The following TCHP variants were observed in gnomAD, a reference collection of about 807,000 sequenced individuals.
TCHP encodes trichoplein keratin filament-binding protein.
Under a neutral mutation model 88.7 loss-of-function variants are expected in TCHP, and 81 were observed. The observed-to-expected ratio is 0.91, with a 90% CI of 0.76 to 1.10. The LOEUF (loss-of-function observed/expected upper bound fraction) is 1.10, where lower values mean the gene tolerates loss of function less well. Ranked by LOEUF, TCHP falls within the 50% of genes least tolerant of loss-of-function variation. The pLI is 0.00. For missense variants in TCHP, 641 were observed against 632.1 expected (o/e 1.01, Z -0.15); for synonymous variants, 232 against 232.5 (o/e 1.00, Z 0.02).
At chr12:109,904,869 GT>G (rs1870039423) in intron 4 of TCHP, 76 bp downstream of exon 4, 2 of 1,371,030 alleles carry the variant, frequency 1.5e-6, no homozygotes, top group Admixed American at 3.8e-5. Context: ...TTTTGAACAC[GT>G]ATCTTGTACC....
At chr12:109,912,860 A>T in intron 9 of TCHP, 131 bp from the exon 10 acceptor site, 1 of 701,418 alleles carries the variant, frequency 1.4e-6, no homozygotes, top group Non-Finnish European at 2.6e-6. Flanking sequence ...AATCTTTTCA[A>T]AGTGCATGTG....
At chr12:109,883,374 G>A in the TCHP span, among the ~76,000 whole-genome samples, 3 of 152,224 alleles carry the variant, frequency 2.0e-5, no homozygotes, top group Admixed American at 6.5e-5. Context: ...TGAGAGAAGA[G>A]GTTGTTTCAA....
At chr12:109,890,453 A>G in the TCHP span, among the ~76,000 whole-genome samples, 1 of 151,746 alleles carries the variant, frequency 6.6e-6, no homozygotes, top group Non-Finnish European at 1.5e-5. Context: ...CCTGGGTGAG[A>G]GAGCAAGACC....
At chr12:109,901,356 C>G (rs1869783220) in intron 1 of TCHP, among the ~76,000 whole-genome samples, 1 of 116,672 alleles carries the variant, frequency 8.6e-6, no homozygotes, top group South Asian at 2.8e-4. Flanking sequence ...TTTTTTTCCC[C>G]TTAATCACCT....
At chr12:109,896,553 T>C (rs943280665), upstream of TCHP, among the ~76,000 whole-genome samples, 4 of 152,204 alleles carry the variant, frequency 2.6e-5, no homozygotes, top group African/African-American at 9.6e-5. Context: ...CTTAACACCA[T>C]AGATTCCTTT....
At position 109,903,976 on chromosome 12, in the gene TCHP, G is replaced by A. The variant is rs202040061; in HGVS notation, c.228G>A (p.Lys76=). 9 of 1,610,962 alleles carry A rather than the reference G, an allele frequency of 5.6e-6. No individual in the cohort carries two copies. In the East Asian group the frequency reaches 1.8e-4, roughly 32 times the overall value. Reference sequence around the variant, plus strand: ...AGCGGGAGAAGATGAAGGAGGAGAAGAGGAGGAGTCTGGAGGCCCGACGGG... The same window carrying A: ...AGCGGGAGAAGATGAAGGAGGAGAAAAGGAGGAGTCTGGAGGCCCGACGGG... ...AYQREKMKEE[K]RRSLEARREK... Residue 76 remains lysine (K), a synonymous_variant, in exon 3 of 13, where the codon AAG becomes AAA. Transcript: ENST00000405876. This position sits in a 1 kb window ranked among gnomAD's most constrained non-coding sequence, Gnocchi z 4.6.
chr12:109,881,126 C>T, the TCHP span, among the ~76,000 whole-genome samples: 66 of 152,308 alleles, frequency 4.3e-4, no homozygotes, highest in African/African-American at 1.5e-3. Flanking sequence ...TGTTGTGAGG[C>T]AGAAAAATAG....
chr12:109,912,931 T>C (rs1870588903), intron 9 of TCHP, 60 bp from the exon 10 acceptor site: 1 of 1,462,334 alleles, frequency 6.8e-7, no homozygotes, highest in Non-Finnish European at 9.6e-7. Flanking sequence ...GTCTGTTCCG[T>C]AGCTCGCTTC....
At chr12:109,887,355 GA>G in the TCHP span, among the ~76,000 whole-genome samples, 2 of 148,856 alleles carry the variant, frequency 1.3e-5, no homozygotes, top group Non-Finnish European at 3.0e-5. Context: ...ACAGGAGGCA[GA>G]GGTTGCAGTG....
At chr12:109,909,394 A>G (rs1359977558) in intron 8 of TCHP, among the ~76,000 whole-genome samples, 2 of 152,242 alleles carry the variant, frequency 1.3e-5, no homozygotes, top group Non-Finnish European at 2.9e-5. Context: ...GTCTATCCCC[A>G]GAGGTGCCTG....
At chr12:109,890,741 C>T in the TCHP span, among the ~76,000 whole-genome samples, 4 of 152,170 alleles carry the variant, frequency 2.6e-5, no homozygotes, top group Non-Finnish European at 4.4e-5. Flanking sequence ...AACTCCTGAC[C>T]TCAGGTGATC....
the TCHP span, among the ~76,000 whole-genome samples, chr12:109,892,693 C>A: frequency 4.4e-4 from 67 of 152,234 alleles, no homozygotes; most frequent in Middle Eastern, 3.4e-3. Context: ...TACCTGACAC[C>A]CCAGCAGAAG....
Position 109,903,880 on chromosome 12 carries a change from G to C in TCHP, c.189-57G>C. ...CCTCTTTTACCGACACAGCAGAGCA[G>C]AGCACGTTCCCTGTGGCTGTAGCAT... On this transcript the variant is annotated intron_variant, in intron 2 of 12. Transcript: ENST00000405876. This position sits in a 1 kb window ranked among gnomAD's most constrained non-coding sequence, Gnocchi z 4.6. 1 of 1,424,272 alleles carries C rather than the reference G, an allele frequency of 7.0e-7. No homozygotes were observed. The highest frequency in any genetic ancestry group is 9.7e-7 in the Non-Finnish European group (1 of 1,030,578). The allele number at this position is 1,424,272 out of a possible 1,614,324, so 88.2% of individuals were successfully genotyped here.
chr12:109,915,569 G>A, intron 12 of TCHP, 23 bp downstream of exon 12: 2 of 1,594,274 alleles, frequency 1.3e-6, no homozygotes, highest in Non-Finnish European at 1.7e-6. Context: ...CCAGGATATA[G>A]GCCAACACCG....
chr12:109,907,452 A>C, intron 5 of TCHP, 74 bp from the exon 6 acceptor site: 1 of 1,504,098 alleles, frequency 6.6e-7, no homozygotes, highest in Non-Finnish European at 9.1e-7. Context: ...TGGCCTGCAG[A>C]ACGGCGGCAG....
upstream of TCHP, among the ~76,000 whole-genome samples, chr12:109,897,562 CTTTCTTTT>C (rs1869593891): frequency 6.7e-6 from 1 of 148,574 alleles, no homozygotes; most frequent in South Asian, 2.1e-4. Flanking sequence ...TTCTTTCTTT[CTTTCTTTT>C]TTTTTTTTGA....
Position 109,911,096 on chromosome 12 carries a change from G to T in TCHP, c.913G>T (p.Glu305Ter). The change falls in exon 9 of 13, where the codon GAG becomes TAG. Residue 305 changes from glutamate to a stop codon, truncating the protein, a stop_gained. Transcript: ENST00000405876. LOFTEE classifies it high-confidence loss of function. Reference protein sequence around the residue: ...ADRRILQALLEKEDESQRLHL... With the variant: ...ADRRILQALL Reference sequence around the variant, plus strand: ...CAGGCGGATCCTGCAGGCCCTCCTCGAGAAGGAGGACGAGAGCCAGCGCCT... The same window carrying T: ...CAGGCGGATCCTGCAGGCCCTCCTCTAGAAGGAGGACGAGAGCCAGCGCCT... 1.9e-6 allele frequency: 3 copies of T among 1,595,490 alleles called. No homozygotes were observed. Among genetic ancestry groups the T allele is most frequent in the African/African-American group, 1.3e-5 (1 of 74,718 alleles).
At chr12:109,882,986 A>G in the TCHP span, among the ~76,000 whole-genome samples, 1 of 151,734 alleles carries the variant, frequency 6.6e-6, no homozygotes, top group African/African-American at 2.4e-5. Flanking sequence ...TAAAGGCAAT[A>G]AGAAATCACT....
chr12:109,888,294 T>C, the TCHP span: 7 of 152,222 alleles, frequency 4.6e-5, no homozygotes, highest in African/African-American at 1.7e-4. Context: ...GTTTCTCCCC[T>C]TAGCTTCCCG....
Sources: allele counts gnomAD v4.1 joint callset (sites outside exome capture counted in the v4.1 genomes callset), GRCh38; gene constraint gnomAD v4.1.1; non-coding constraint Gnocchi (gnomAD v3.1); transcripts MANE v1.5; gene names NCBI Gene and HGNC (gene_info 2026-07-23, HGNC 2026-07-21).